Variants in NIBAN1 observed in about 807,000 individuals in gnomAD.
The protein encoded by NIBAN1 is niban apoptosis regulator 1, also known as protein Niban 1.
A neutral mutation model predicts 75.1 loss-of-function variants in NIBAN1; 81 were observed. That is an observed-to-expected ratio of 1.08 (90% CI 0.90 to 1.30). NIBAN1 has a LOEUF of 1.30. Ranked by LOEUF, NIBAN1 falls within the 50% of genes most tolerant of loss-of-function variation. NIBAN1 has a pLI of 0.00. For synonymous variants in NIBAN1, 436 were observed against 424.8 expected, an observed-to-expected ratio of 1.03 and a Z score of -0.32; for missense variants, 1,133 against 1,128.1, an observed-to-expected ratio of 1.00 and a Z score of -0.06.
chr1:184,904,933 G>A (rs898130412), intron 1 of NIBAN1, among the ~76,000 whole-genome samples: 4 of 96,590 alleles, frequency 4.1e-5, no homozygotes, highest in South Asian at 3.3e-4. Flanking sequence ...GTGACAGAGC[G>A]AGATCTGTCT....
intron 1 of NIBAN1, among the ~76,000 whole-genome samples, chr1:184,959,305 G>A (rs1418123367): frequency 6.6e-6 from 1 of 152,190 alleles, no homozygotes; most frequent in Non-Finnish European, 1.5e-5. Context: ...AGATGTTCCA[G>A]CAGGCTACAG....
In NIBAN1 at chr1:184,966,936, C is replaced by G. The variant is rs143110800; in HGVS notation, c.55+7366G>C. On this transcript the variant is annotated intron_variant, in intron 1 of 13. Transcript: ENST00000367511. ...TAGACTCATTCCATACAACATCAAGCATAGAAATACAAACTTCCTTAGGTC... is the reference window on the plus strand; with the variant it reads ...TAGACTCATTCCATACAACATCAAGGATAGAAATACAAACTTCCTTAGGTC... 5.1e-3 allele frequency among the ~76,000 whole-genome samples: 775 copies of G among 152,228 alleles called. 3 individuals are homozygous for G. The highest frequency in any genetic ancestry group is 7.6e-3 in the Non-Finnish European group (518 of 68,008).
chr1:184,871,619 C>G (rs1013890512), intron 5 of NIBAN1, among the ~76,000 whole-genome samples: 5 of 151,952 alleles, frequency 3.3e-5, no homozygotes, highest in Admixed American at 2.0e-4. Context: ...AATACAAAAC[C>G]CAAAAACATA....
chr1:184,913,154 T>TGATATATATATATATATATTATA (rs1553227228), intron 1 of NIBAN1, among the ~76,000 whole-genome samples: 3 of 146,642 alleles, frequency 2.0e-5, no homozygotes, highest in Non-Finnish European at 4.5e-5. Flanking sequence ...TATATATATA[T>TGATATATATATATATATATTATA]TATATATATA....
At chr1:184,973,936 C>T (rs1659002520) in intron 1 of NIBAN1, among the ~76,000 whole-genome samples, 1 of 152,250 alleles carries the variant, frequency 6.6e-6, no homozygotes, top group South Asian at 2.1e-4. Flanking sequence ...GGGATATCCC[C>T]GCTGCTCTCT....
At chr1:184,860,027 A>G (rs1199887621) in intron 5 of NIBAN1, among the ~76,000 whole-genome samples, 1 of 152,216 alleles carries the variant, frequency 6.6e-6, no homozygotes, top group African/African-American at 2.4e-5. Context: ...GGAAGTGGTC[A>G]TGTCCATGCA....
In NIBAN1 at chr1:184,796,077, A is replaced by G. The variant is rs753085290; in HGVS notation, c.1687T>C (p.Leu563=). 1 of 1,545,926 alleles carries G rather than the reference A, an allele frequency of 6.5e-7. No individual in the cohort carries two copies. The highest frequency in any genetic ancestry group is 1.2e-5 in the South Asian group (1 of 83,688). Residue 563 remains leucine, a synonymous_variant, in exon 14 of 14, where the codon TTG becomes CTG. Coordinates refer to ENST00000367511, the MANE Select transcript of NIBAN1 (RefSeq NM_052966.4). ...TCTTCAAATAAGTTGTGTTTCTTCAAGATAGCAGCTTCCTTTATCACTGAG... is the reference window on the plus strand; with the variant it reads ...TCTTCAAATAAGTTGTGTTTCTTCAGGATAGCAGCTTCCTTTATCACTGAG... The part of the protein sequence containing the change: ...TLKVIKEAAI[L]KKHNLFEDNM...
intron 1 of NIBAN1, among the ~76,000 whole-genome samples, chr1:184,932,075 CTGGT>C: frequency 6.6e-6 from 1 of 152,130 alleles, no homozygotes. Flanking sequence ...ATGTACAAGG[CTGGT>C]TCAAGCTGTA....
At chr1:184,949,466 A>G (rs1020551816) in intron 1 of NIBAN1, among the ~76,000 whole-genome samples, 1 of 152,274 alleles carries the variant, frequency 6.6e-6, no homozygotes, top group African/African-American at 2.4e-5. Flanking sequence ...CAGTACACGC[A>G]TAACCTAATT....
chr1:184,919,856 G>T (rs1336583665), intron 1 of NIBAN1, among the ~76,000 whole-genome samples: 1 of 148,792 alleles, frequency 6.7e-6, no homozygotes, highest in African/African-American at 2.5e-5. Context: ...AAAAAAAATT[G>T]TTTTTAATCA....
At chr1:184,916,827 C>T (rs1487844181) in intron 1 of NIBAN1, among the ~76,000 whole-genome samples, 1 of 152,102 alleles carries the variant, frequency 6.6e-6, no homozygotes, top group Admixed American at 6.5e-5. Flanking sequence ...GCTTATTCTA[C>T]TATTCATCTC....
At chr1:184,911,422 G>C (rs370260280) in intron 1 of NIBAN1, among the ~76,000 whole-genome samples, 245 of 152,288 alleles carry the variant, frequency 1.6e-3, no homozygotes, top group African/African-American at 5.4e-3. Flanking sequence ...GAGGTTGTCA[G>C]CAAAAAGGTA....
chr1:184,904,670 T>C (rs1053528706), intron 1 of NIBAN1, among the ~76,000 whole-genome samples: 7 of 152,050 alleles, frequency 4.6e-5, no homozygotes, highest in Admixed American at 2.0e-4. Flanking sequence ...TAAAAGTCTC[T>C]TGGGCTGGGC....
intron 1 of NIBAN1, among the ~76,000 whole-genome samples, chr1:184,920,659 T>G (rs1469545063): frequency 6.6e-6 from 1 of 152,204 alleles, no homozygotes; most frequent in African/African-American, 2.4e-5. Context: ...AATATCTTAA[T>G]TATTATTAAA....
At chr1:184,943,142 C>T (rs575022894) in intron 1 of NIBAN1, among the ~76,000 whole-genome samples, 1 of 152,268 alleles carries the variant, frequency 6.6e-6, no homozygotes, top group Admixed American at 6.5e-5. Flanking sequence ...GCTTCCCATT[C>T]CCTGACCTCA....
At chr1:184,827,705 G>A (rs533492393) in intron 6 of NIBAN1, among the ~76,000 whole-genome samples, 2 of 151,952 alleles carry the variant, frequency 1.3e-5, no homozygotes, top group East Asian at 1.9e-4. Context: ...ACCCGGGATC[G>A]CCCCTTGAAG....
intron 5 of NIBAN1, among the ~76,000 whole-genome samples, chr1:184,838,370 C>A (rs758088879): frequency 6.6e-6 from 1 of 152,096 alleles, no homozygotes; most frequent in Non-Finnish European, 1.5e-5. Context: ...ATGTTTCTGG[C>A]CAACTCAACG....
intron 1 of NIBAN1, among the ~76,000 whole-genome samples, chr1:184,926,689 C>T (rs1173233448): frequency 6.6e-6 from 1 of 152,122 alleles, no homozygotes; most frequent in Non-Finnish European, 1.5e-5. Flanking sequence ...CCTTCTTGTA[C>T]TTGAATATTT....
At chr1:184,810,706 A>G (rs1364127901) in intron 9 of NIBAN1, among the ~76,000 whole-genome samples, 4 of 152,056 alleles carry the variant, frequency 2.6e-5, no homozygotes, top group African/African-American at 9.7e-5. Context: ...ACGTCACCTT[A>G]CCTTTTTTGT....
Sources: allele counts gnomAD v4.1 joint callset (sites outside exome capture counted in the v4.1 genomes callset), GRCh38; gene constraint gnomAD v4.1.1; transcripts MANE v1.5; gene names NCBI Gene and HGNC (gene_info 2026-07-23, HGNC 2026-07-21).